GFRA1: variants seen among roughly 807,000 people sequenced by gnomAD.
GFRA1 encodes GDNF family receptor alpha 1.
GFRA1 carries 16 observed loss-of-function variants against 51.6 expected under a neutral mutation model. The ratio of observed to expected loss-of-function variants is 0.31; its 90% CI spans 0.21 to 0.47. The LOEUF (loss-of-function observed/expected upper bound fraction) is 0.47, where lower values mean the gene tolerates loss of function less well. GFRA1 is among the 20% of genes least tolerant of loss of function. The pLI, the probability that GFRA1 is intolerant of heterozygous loss-of-function variation, is 1.00. For synonymous variants in GFRA1, 270 were observed against 241.3 expected, an observed-to-expected ratio of 1.12 and a Z score of -1.10; for missense variants, 530 against 594.3, an observed-to-expected ratio of 0.89 and a Z score of 1.13.
At chr10:116,147,689 T>C (rs188833682) in intron 5 of GFRA1, among the ~76,000 whole-genome samples, 37 of 152,038 alleles carry the variant, frequency 2.4e-4, no homozygotes, top group Admixed American at 1.2e-3. Context: ...CAAGAGAAAA[T>C]TTCCTTTATG....
At chr10:116,232,921 T>C (rs1438002214) in intron 4 of GFRA1, among the ~76,000 whole-genome samples, 2 of 152,228 alleles carry the variant, frequency 1.3e-5, no homozygotes, top group Non-Finnish European at 2.9e-5. Context: ...CAGAGATCTC[T>C]GACCTTTAAT....
chr10:116,071,558 G>A (rs1293280587), intron 9 of GFRA1, among the ~76,000 whole-genome samples: 1 of 152,202 alleles, frequency 6.6e-6, no homozygotes, highest in Non-Finnish European at 1.5e-5. Context: ...CTGTGTTTGA[G>A]TGTGGGGATC....
chr10:116,269,677 G>A (rs534691228), intron 3 of GFRA1, 91 bp from the exon 4 acceptor site: 2 of 788,264 alleles, frequency 2.5e-6, no homozygotes, highest in East Asian at 2.6e-5. Context: ...ATTATGTTAT[G>A]ATTGTGTAAC....
chr10:116,200,807 T>C (rs1004919528), intron 5 of GFRA1, among the ~76,000 whole-genome samples: 2 of 152,160 alleles, frequency 1.3e-5, no homozygotes, highest in African/African-American at 4.8e-5. Context: ...AATGCACACA[T>C]TGGGGTTAGG....
At chr10:116,219,800 C>T (rs549247900) in intron 4 of GFRA1, among the ~76,000 whole-genome samples, 11 of 152,276 alleles carry the variant, frequency 7.2e-5, no homozygotes, top group Non-Finnish European at 1.0e-4. Flanking sequence ...TTAGCAATGA[C>T]GTAACACTAC....
chr10:116,260,548 A>G (rs1324683745), intron 4 of GFRA1, among the ~76,000 whole-genome samples: 1 of 152,188 alleles, frequency 6.6e-6, no homozygotes, highest in Non-Finnish European at 1.5e-5. Flanking sequence ...ACAGCCTACT[A>G]TTTGAAGAAA....
Position 116,058,192 on chromosome 10 carries a change from CA to C in GFRA1, c.*6205del, listed in dbSNP as rs1398186570. The C allele has an allele frequency of 6.6e-6, 1 of 152,274 alleles. No homozygotes were observed. Among genetic ancestry groups the C allele is most frequent in the African/African-American group, 2.4e-5 (1 of 41,458 alleles). 9.4% of individuals were successfully genotyped at this position (152,274 alleles called of 1,614,324 possible). A position where few individuals can be genotyped will look rare whatever the true frequency, so the allele number is the denominator to read the frequency against. On this transcript the variant is annotated 3_prime_UTR_variant, in exon 11 of 11. Coordinates refer to ENST00000355422, the MANE Select transcript of GFRA1 (RefSeq NM_005264.8). ...TTCAACGGCCCTGGTTCCCTATACT[CA>C]GGACATCCACTGGATTTTCTAATTC...
intron 5 of GFRA1, among the ~76,000 whole-genome samples, chr10:116,192,050 G>T (rs1963315669): frequency 6.6e-6 from 1 of 152,070 alleles, no homozygotes. Flanking sequence ...AAATAAAAAG[G>T]TTAGGAGTTG....
intron 6 of GFRA1, among the ~76,000 whole-genome samples, chr10:116,098,490 A>C (rs921895676): frequency 1.3e-5 from 2 of 152,168 alleles, no homozygotes; most frequent in African/African-American, 2.4e-5. Flanking sequence ...TGTTAATTTC[A>C]AAAGAATTTT....
At chr10:116,270,127 T>C (rs926428730) in intron 3 of GFRA1, among the ~76,000 whole-genome samples, 1 of 152,196 alleles carries the variant, frequency 6.6e-6, no homozygotes, top group Non-Finnish European at 1.5e-5. Flanking sequence ...ACACACAAGA[T>C]GTTTGCGTTA....
At chr10:116,229,935 C>A (rs1966577272) in intron 4 of GFRA1, among the ~76,000 whole-genome samples, 1 of 152,166 alleles carries the variant, frequency 6.6e-6, no homozygotes. Flanking sequence ...CTACCAGGCA[C>A]CCCTTGGGGA....
intron 5 of GFRA1, among the ~76,000 whole-genome samples, chr10:116,178,266 C>T (rs1205661887): frequency 6.8e-6 from 1 of 147,192 alleles, no homozygotes; most frequent in Non-Finnish European, 1.5e-5. Context: ...GTGCCAAGAG[C>T]CCTTCCCTGG....
At chr10:116,199,330 C>CT (rs1964150380) in intron 5 of GFRA1, among the ~76,000 whole-genome samples, 1 of 152,222 alleles carries the variant, frequency 6.6e-6, no homozygotes, top group African/African-American at 2.4e-5. Context: ...CTGCCTCCTC[C>CT]TCTGGGGTGG....
chr10:116,190,916 G>A (rs1218956367), intron 5 of GFRA1, among the ~76,000 whole-genome samples: 1 of 152,126 alleles, frequency 6.6e-6, no homozygotes, highest in Non-Finnish European at 1.5e-5. Flanking sequence ...AATGTGCTTG[G>A]CTACCTACAG....
chr10:116,121,916 C>A (rs537735336), intron 6 of GFRA1, among the ~76,000 whole-genome samples: 1 of 152,170 alleles, frequency 6.6e-6, no homozygotes, highest in East Asian at 1.9e-4. Flanking sequence ...GGATAAAAGG[C>A]ATAAAATTAA....
At chr10:116,102,630 A>T (rs1251162819) in intron 6 of GFRA1, among the ~76,000 whole-genome samples, 2 of 152,250 alleles carry the variant, frequency 1.3e-5, no homozygotes, top group Non-Finnish European at 2.9e-5. Flanking sequence ...GGTGGCAGGC[A>T]AGAGAAGAAT....
intron 5 of GFRA1, among the ~76,000 whole-genome samples, chr10:116,147,115 C>CCTTT (rs1958836816): frequency 6.6e-6 from 1 of 152,126 alleles, no homozygotes; most frequent in East Asian, 1.9e-4. Flanking sequence ...CTTGTACATA[C>CCTTT]ATTTCTATTA....
chr10:116,125,597 G>GA, intron 5 of GFRA1, 40 bp from the exon 6 acceptor site: 4 of 1,466,070 alleles, frequency 2.7e-6, no homozygotes, highest in Non-Finnish European at 2.8e-6. Flanking sequence ...CACAGTGCTC[G>GA]GCTCTGTGTT....
chr10:116,095,707 C>A (rs144237431), intron 7 of GFRA1, among the ~76,000 whole-genome samples: 1 of 152,306 alleles, frequency 6.6e-6, no homozygotes, highest in East Asian at 1.9e-4. Flanking sequence ...TGAAGATGCT[C>A]TGGTGACAAA....
Sources: allele counts gnomAD v4.1 joint callset (sites outside exome capture counted in the v4.1 genomes callset), GRCh38; gene constraint gnomAD v4.1.1; transcripts MANE v1.5; gene names NCBI Gene and HGNC (gene_info 2026-07-23, HGNC 2026-07-21).